KDM4C: variants seen among roughly 807,000 people sequenced by gnomAD.
The protein encoded by KDM4C is lysine demethylase 4C, also known as lysine-specific demethylase 4C.
KDM4C carries 81 observed loss-of-function variants against 129.3 expected under a neutral mutation model. The observed-to-expected ratio is 0.63, with a 90% CI of 0.52 to 0.75. KDM4C has a LOEUF of 0.75. Among genes scored for constraint, KDM4C ranks in the 30% least tolerant of loss-of-function variants. The pLI is 0.00. For synonymous variants in KDM4C, 573 were observed against 456.1 expected (o/e 1.26, Z -3.26); for missense variants, 1,457 against 1,304.0 (o/e 1.12, Z -1.81).
intron 3 of KDM4C, among the ~76,000 whole-genome samples, chr9:6,808,728 C>T (rs900623079): frequency 7.5e-5 from 11 of 146,200 alleles, no homozygotes; most frequent in Non-Finnish European, 1.4e-4. Context: ...CACACTGTTA[C>T]ATCTGCCATA....
At chr9:6,898,535 C>G (rs1816828941) in intron 8 of KDM4C, among the ~76,000 whole-genome samples, 3 of 152,106 alleles carry the variant, frequency 2.0e-5, no homozygotes, top group Non-Finnish European at 4.4e-5. Flanking sequence ...TACTGCAGAG[C>G]TGGGAATGTT....
intron 10 of KDM4C, among the ~76,000 whole-genome samples, chr9:6,985,972 T>G (rs1324066499): frequency 6.6e-6 from 1 of 152,246 alleles, no homozygotes; most frequent in Non-Finnish European, 1.5e-5. Flanking sequence ...ATTACACACG[T>G]GAGCCACCGT....
At chr9:6,913,001 CAAAAAAT>C (rs1178579815) in intron 8 of KDM4C, among the ~76,000 whole-genome samples, 10 of 144,158 alleles carry the variant, frequency 6.9e-5, no homozygotes, top group Middle Eastern at 3.2e-3. Context: ...AGGAATTTAA[CAAAAAAT>C]AAAAAATAAA....
At chr9:6,991,517 A>G (rs565660502) in intron 12 of KDM4C, among the ~76,000 whole-genome samples, 194 of 152,256 alleles carry the variant, frequency 1.3e-3, no homozygotes, top group Non-Finnish European at 2.2e-3. Context: ...TGTTTAGAGG[A>G]TTAATTCAGG....
chr9:6,799,636 T>C (rs1198002931), intron 2 of KDM4C, among the ~76,000 whole-genome samples: 1 of 144,416 alleles, frequency 6.9e-6, no homozygotes. Context: ...GGCTCTTTTT[T>C]CTTTTCTTTT....
At chr9:6,963,219 A>C (rs1050128976) in intron 8 of KDM4C, among the ~76,000 whole-genome samples, 7 of 152,244 alleles carry the variant, frequency 4.6e-5, no homozygotes, top group African/African-American at 1.7e-4. Context: ...GATTCTTAGC[A>C]AGTAGTTTTT....
chr9:7,085,242 T>C (rs576662302), intron 17 of KDM4C, among the ~76,000 whole-genome samples: 2 of 152,202 alleles, frequency 1.3e-5, no homozygotes, highest in South Asian at 4.1e-4. Context: ...CTCAGGGCCA[T>C]TGTTGTGTGG....
intron 8 of KDM4C, among the ~76,000 whole-genome samples, chr9:6,968,280 A>G (rs1239924056): frequency 6.6e-6 from 1 of 152,192 alleles, no homozygotes; most frequent in Non-Finnish European, 1.5e-5. Context: ...TTTTGAGACC[A>G]GCCTGGGTAA....
At chr9:7,139,256 C>G (rs984617555) in intron 19 of KDM4C, among the ~76,000 whole-genome samples, 1 of 152,186 alleles carries the variant, frequency 6.6e-6, no homozygotes, top group African/African-American at 2.4e-5. Flanking sequence ...GTCTGGGTGA[C>G]AGGACCAGAC....
intron 8 of KDM4C, among the ~76,000 whole-genome samples, chr9:6,961,243 A>T (rs573470976): frequency 1.4e-4 from 22 of 152,322 alleles, no homozygotes; most frequent in Admixed American, 3.9e-4. Context: ...ATAGAAAAGG[A>T]TGGCTTGATA....
intron 17 of KDM4C, among the ~76,000 whole-genome samples, chr9:7,102,205 C>T (rs1045733681): frequency 4.0e-5 from 6 of 150,860 alleles, no homozygotes; most frequent in Admixed American, 1.3e-4. Flanking sequence ...AAGGAAATCA[C>T]ATAAGTACCT....
chr9:6,943,288 A>C (rs1826287482), intron 8 of KDM4C, among the ~76,000 whole-genome samples: 1 of 152,206 alleles, frequency 6.6e-6, no homozygotes, highest in Non-Finnish European at 1.5e-5. Flanking sequence ...TCATTTTTAG[A>C]GCATAGATGT....
At chr9:6,975,262 A>G (rs1440539729) in intron 8 of KDM4C, among the ~76,000 whole-genome samples, 1 of 152,246 alleles carries the variant, frequency 6.6e-6, no homozygotes, top group Non-Finnish European at 1.5e-5. Context: ...GTTAAACTCT[A>G]TCAACACAGC....
chr9:6,776,119 G>C (rs1412858351), intron 1 of KDM4C, among the ~76,000 whole-genome samples: 2 of 152,178 alleles, frequency 1.3e-5, no homozygotes, highest in Non-Finnish European at 2.9e-5. Flanking sequence ...AGGCCTCACT[G>C]TGTCTCCTGG....
At chr9:7,098,221 A>G (rs926191430) in intron 17 of KDM4C, among the ~76,000 whole-genome samples, 3 of 152,198 alleles carry the variant, frequency 2.0e-5, no homozygotes, top group Non-Finnish European at 4.4e-5. Flanking sequence ...GTAACCTTAT[A>G]TCTGATCCCT....
intron 19 of KDM4C, among the ~76,000 whole-genome samples, chr9:7,129,016 G>C (rs192610584): frequency 1.3e-5 from 2 of 152,160 alleles, no homozygotes; most frequent in African/African-American, 2.4e-5. Flanking sequence ...ACTGAGAGGA[G>C]AGTGAGTTAG....
At chr9:7,027,281 T>A (rs1026271162) in intron 15 of KDM4C, among the ~76,000 whole-genome samples, 1 of 152,246 alleles carries the variant, frequency 6.6e-6, no homozygotes, top group Non-Finnish European at 1.5e-5. Context: ...ATCTAAGCTG[T>A]ATCTGCATTA....
intron 15 of KDM4C, among the ~76,000 whole-genome samples, chr9:7,019,771 T>TATAAAAATATAATA (rs1563993500): frequency 8.0e-6 from 1 of 125,278 alleles, no homozygotes; most frequent in African/African-American, 3.4e-5. Flanking sequence ...AAATATAATA[T>TATAAAAATATAATA]TTTTATATAT....
At chr9:7,127,751 G>C (rs1042653232) in intron 18 of KDM4C, among the ~76,000 whole-genome samples, 1 of 152,038 alleles carries the variant, frequency 6.6e-6, no homozygotes, top group Non-Finnish European at 1.5e-5. Context: ...TGATATATTT[G>C]CATATACACA....
Sources: allele counts gnomAD v4.1 joint callset (sites outside exome capture counted in the v4.1 genomes callset), GRCh38; gene constraint gnomAD v4.1.1; transcripts MANE v1.5; gene names NCBI Gene and HGNC (gene_info 2026-07-23, HGNC 2026-07-21).